Variants in SLC24A3 observed in about 807,000 individuals in gnomAD.
SLC24A3 encodes the protein sodium/potassium/calcium exchanger 3.
A neutral mutation model predicts 75.8 loss-of-function variants in SLC24A3; 28 were observed. The ratio of observed to expected loss-of-function variants is 0.37; its 90% CI spans 0.27 to 0.51. The LOEUF (loss-of-function observed/expected upper bound fraction) is 0.51. SLC24A3 is among the 20% of genes least tolerant of loss of function. The pLI, the probability that SLC24A3 is intolerant of heterozygous loss-of-function variation, is 0.94. For missense variants in SLC24A3, 663 were observed against 847.8 expected, an observed-to-expected ratio of 0.78 and a Z score of 2.71; for synonymous variants, 372 against 334.1, an observed-to-expected ratio of 1.11 and a Z score of -1.24.
intron 2 of SLC24A3, among the ~76,000 whole-genome samples, chr20:19,486,676 G>C (rs1237058941): frequency 1.3e-5 from 2 of 152,054 alleles, no homozygotes; most frequent in Non-Finnish European, 2.9e-5. Context: ...GGTTATTTTT[G>C]TCTCCTGTTT....
At chr20:19,236,735 G>A (rs1419062788) in intron 1 of SLC24A3, among the ~76,000 whole-genome samples, 5 of 152,144 alleles carry the variant, frequency 3.3e-5, no homozygotes, top group African/African-American at 9.7e-5. Context: ...CAGCCTGGGT[G>A]ACAAAGTGAG....
At chr20:19,467,833 A>C (rs1251638064) in intron 2 of SLC24A3, among the ~76,000 whole-genome samples, 1 of 151,590 alleles carries the variant, frequency 6.6e-6, no homozygotes, top group African/African-American at 2.4e-5. Context: ...GTGAGCTGAG[A>C]TCACACCACT....
chr20:19,703,873 C>T (rs866428306), intron 15 of SLC24A3, among the ~76,000 whole-genome samples: 1 of 152,204 alleles, frequency 6.6e-6, no homozygotes, highest in Non-Finnish European at 1.5e-5. Flanking sequence ...GAGGGGGTTA[C>T]AGGGGCCCCA....
intron 3 of SLC24A3, among the ~76,000 whole-genome samples, chr20:19,558,971 A>G (rs1365300026): frequency 6.6e-6 from 1 of 152,200 alleles, no homozygotes; most frequent in African/African-American, 2.4e-5. Flanking sequence ...TAGTGTCTAC[A>G]GATTTTTCAT....
intron 2 of SLC24A3, among the ~76,000 whole-genome samples, chr20:19,490,169 A>G (rs925960939): frequency 2.0e-5 from 3 of 152,204 alleles, no homozygotes; most frequent in South Asian, 2.1e-4. Context: ...CCAAGGCCAC[A>G]TGTCCTCCCA....
intron 3 of SLC24A3, among the ~76,000 whole-genome samples, chr20:19,578,069 ACTG>A (rs1052754239): frequency 1.3e-5 from 2 of 152,252 alleles, no homozygotes; most frequent in African/African-American, 4.8e-5. Context: ...CGTTAGTGCA[ACTG>A]CTAAGGGTCA....
chr20:19,289,986 G>A (rs1038051137), intron 2 of SLC24A3, among the ~76,000 whole-genome samples: 50 of 152,134 alleles, frequency 3.3e-4, no homozygotes, highest in African/African-American at 1.1e-3. Context: ...CACATAATCT[G>A]GGTTGCCAGG....
intron 6 of SLC24A3, among the ~76,000 whole-genome samples, chr20:19,608,676 A>G (rs529726611): frequency 9.2e-5 from 14 of 152,336 alleles, no homozygotes; most frequent in Admixed American, 5.9e-4. Flanking sequence ...AGGAGGGTGT[A>G]ATGTATAATG....
chr20:19,440,805 G>A (rs1987284962), intron 2 of SLC24A3, among the ~76,000 whole-genome samples: 2 of 152,162 alleles, frequency 1.3e-5, no homozygotes, highest in Non-Finnish European at 2.9e-5. Context: ...CATCTGGAGG[G>A]ATGGATGGAA....
chr20:19,260,160 C>A (rs983598723), intron 1 of SLC24A3, among the ~76,000 whole-genome samples: 23 of 152,112 alleles, frequency 1.5e-4, no homozygotes, highest in African/African-American at 5.6e-4. Flanking sequence ...TATTCAAGAT[C>A]ACCTCTATTC....
chr20:19,712,272 A>T (rs992961616), intron 15 of SLC24A3, among the ~76,000 whole-genome samples: 1 of 151,990 alleles, frequency 6.6e-6, no homozygotes, highest in African/African-American at 2.4e-5. Flanking sequence ...TTAAACATAC[A>T]GTATGTGGAG....
Position 19,671,345 on chromosome 20 carries a change from A to AAAGG in SLC24A3, c.714-2253_714-2250dup, listed in dbSNP as rs375754160. Among the ~76,000 whole-genome samples the AAAGG allele has an allele frequency of 2.9e-3, 446 of 152,348 alleles. 6 individuals are homozygous for AAAGG. The highest frequency in any genetic ancestry group is 0.01 in the African/African-American group (422 of 41,578). On this transcript the variant is annotated intron_variant, in intron 8 of 16. Coordinates refer to ENST00000328041, the MANE Select transcript of SLC24A3 (RefSeq NM_020689.4). ...AGAAAAGGCCAGGATTTGCAAGGAA[A>AAAGG]AAGGAAACTTTCATTTTTTTTCTTA...
At chr20:19,370,464 C>G (rs570244751) in intron 2 of SLC24A3, among the ~76,000 whole-genome samples, 2 of 152,346 alleles carry the variant, frequency 1.3e-5, no homozygotes, top group South Asian at 4.1e-4. Context: ...CATTTCCCAC[C>G]CTAAGAAATG....
At chr20:19,696,953 G>A (rs1406314458) in intron 14 of SLC24A3, 42 bp downstream of exon 14, 2 of 763,250 alleles carry the variant, frequency 2.6e-6, no homozygotes, top group Non-Finnish European at 4.4e-6. Context: ...GAGGGAGGGA[G>A]GAGGAGAGGG....
At chr20:19,363,868 A>T (rs3790193) in intron 2 of SLC24A3, among the ~76,000 whole-genome samples, 16 of 151,986 alleles carry the variant, frequency 1.1e-4, no homozygotes, top group African/African-American at 3.6e-4. Context: ...GAGAGGGGCC[A>T]TTGGGTCCAA....
chr20:19,585,933 C>G (rs1404694281), intron 6 of SLC24A3, among the ~76,000 whole-genome samples: 3 of 152,186 alleles, frequency 2.0e-5, no homozygotes, highest in Non-Finnish European at 4.4e-5. Flanking sequence ...CTGCTAAACA[C>G]AATGAGAATA....
chr20:19,390,884 G>A (rs1986353940), intron 2 of SLC24A3, among the ~76,000 whole-genome samples: 1 of 152,190 alleles, frequency 6.6e-6, no homozygotes, highest in Non-Finnish European at 1.5e-5. Context: ...GGCCAGCCTT[G>A]CACTAGGTGG....
intron 3 of SLC24A3, among the ~76,000 whole-genome samples, chr20:19,575,514 G>A (rs911182196): frequency 7.9e-5 from 12 of 152,182 alleles, no homozygotes; most frequent in African/African-American, 2.9e-4. Flanking sequence ...CCCACTCAGA[G>A]GGTTCTAAAA....
intron 2 of SLC24A3, among the ~76,000 whole-genome samples, chr20:19,490,678 C>T (rs1253816513): frequency 6.6e-6 from 1 of 152,102 alleles, no homozygotes; most frequent in African/African-American, 2.4e-5. Flanking sequence ...AACACCATTC[C>T]TCAATTTGGT....
Sources: allele counts gnomAD v4.1 joint callset (sites outside exome capture counted in the v4.1 genomes callset), GRCh38; gene constraint gnomAD v4.1.1; transcripts MANE v1.5; gene names NCBI Gene and HGNC (gene_info 2026-07-23, HGNC 2026-07-21).